Variants in ATP2B1 observed in about 807,000 individuals in gnomAD.
ATP2B1 encodes the protein ATPase plasma membrane Ca2+ transporting 1.
In ATP2B1, 14 loss-of-function variants were observed where a neutral mutation model predicts 124.2. The ratio of observed to expected loss-of-function variants is 0.11; its 90% CI spans 0.07 to 0.18. The LOEUF (loss-of-function observed/expected upper bound fraction) is 0.18, where lower values mean the gene tolerates loss of function less well. Ranked by LOEUF, ATP2B1 falls within the 10% of genes least tolerant of loss-of-function variation. The probability of loss-of-function intolerance (pLI) is 1.00; values close to 1 mark genes in which losing one functional copy is unlikely to be tolerated. For synonymous variants in ATP2B1, 449 were observed against 492.4 expected, an observed-to-expected ratio of 0.91 and a Z score of 1.17; for missense variants, 763 against 1,466.1, an observed-to-expected ratio of 0.52 and a Z score of 7.83.
intron 2 of ATP2B1, among the ~76,000 whole-genome samples, chr12:89,646,602 T>G (rs919147409): frequency 1.2e-4 from 19 of 152,246 alleles, no homozygotes; most frequent in Admixed American, 9.2e-4. Flanking sequence ...GTTAAAAGGA[T>G]GAGTGACAGA....
chr12:89,626,450 A>G lies in ATP2B1; in HGVS notation c.1129+4T>C. On this transcript the variant is annotated splice_donor_region_variant and intron_variant, in intron 8 of 20. Coordinates refer to ENST00000428670, the MANE Select transcript of ATP2B1 (RefSeq NM_001366521.1). ...AACACTTTATTTTCTTCTCTATATCATACCTGCTTTGCCAATCTGAACAGC... is the reference window on the plus strand; with the variant it reads ...AACACTTTATTTTCTTCTCTATATCGTACCTGCTTTGCCAATCTGAACAGC... 5 of 1,601,276 alleles carry G rather than the reference A, an allele frequency of 3.1e-6. No individual in the cohort carries two copies. Among genetic ancestry groups the G allele is most frequent in the Non-Finnish European group, 4.3e-6 (5 of 1,175,980 alleles).
intron 3 of ATP2B1, among the ~76,000 whole-genome samples, chr12:89,639,494 ACT>A (rs1389302349): frequency 6.6e-6 from 1 of 151,226 alleles, no homozygotes; most frequent in Non-Finnish European, 1.5e-5. Context: ...ACACAGTGAG[ACT>A]CTGTCTCAAT....
chr12:89,644,372 T>C (rs889719164), intron 2 of ATP2B1, among the ~76,000 whole-genome samples: 2 of 152,058 alleles, frequency 1.3e-5, no homozygotes, highest in Non-Finnish European at 2.9e-5. Flanking sequence ...GGAATATAAA[T>C]ACATTAGAAT....
At chr12:89,708,039 T>G (rs1004101181) in intron 1 of ATP2B1, among the ~76,000 whole-genome samples, 2 of 152,046 alleles carry the variant, frequency 1.3e-5, no homozygotes, top group Non-Finnish European at 2.9e-5. Context: ...GCTCTCCAAC[T>G]CCCGAGGAAT....
At chr12:89,676,835 TA>T (rs1398239505) in intron 1 of ATP2B1, among the ~76,000 whole-genome samples, 1 of 152,166 alleles carries the variant, frequency 6.6e-6, no homozygotes, top group Admixed American at 6.5e-5. Flanking sequence ...TTCTCATTGT[TA>T]AAAGAATAAT....
intron 1 of ATP2B1, among the ~76,000 whole-genome samples, chr12:89,678,891 A>G (rs2136612515): frequency 6.6e-6 from 1 of 152,272 alleles, no homozygotes; most frequent in Non-Finnish European, 1.5e-5. Context: ...CAGTGTTCGT[A>G]AAGTTAGGTG....
chr12:89,677,971 T>TATATATATATATATATATAC (rs1461216851), intron 1 of ATP2B1, among the ~76,000 whole-genome samples: 55 of 52,310 alleles, frequency 1.1e-3, no homozygotes, highest in African/African-American at 3.4e-3. Flanking sequence ...TATATATATA[T>TATATATATATATATATATAC]ACACACACAC....
rs1241639699 is a variant in ATP2B1, at chr12:89,609,932, C to T, written c.2442+5G>A. The T allele has an allele frequency of 6.2e-7, 1 of 1,610,868 alleles. No homozygotes were observed. Among genetic ancestry groups the T allele is most frequent in the Admixed American group, 1.7e-5 (1 of 59,720 alleles). ...GTTTGGATATTTGAATGAGTAAATTCTTACCATTGCAAATCCAACATCTGC... is the reference window on the plus strand; with the variant it reads ...GTTTGGATATTTGAATGAGTAAATTTTTACCATTGCAAATCCAACATCTGC... On this transcript the variant is annotated splice_donor_5th_base_variant and intron_variant, in intron 15 of 20. Coordinates refer to ENST00000428670, the MANE Select transcript of ATP2B1 (RefSeq NM_001366521.1).
intron 3 of ATP2B1, among the ~76,000 whole-genome samples, chr12:89,636,119 A>C (rs1351020477): frequency 6.6e-6 from 1 of 152,148 alleles, no homozygotes; most frequent in Non-Finnish European, 1.5e-5. Context: ...TTGAGCTACC[A>C]AATATTGGTA....
At chr12:89,604,484 AAC>A (rs1876452409) in intron 15 of ATP2B1, 138 bp from the exon 16 acceptor site, 1 of 628,032 alleles carries the variant, frequency 1.6e-6, no homozygotes, top group Non-Finnish European at 2.6e-6. Flanking sequence ...AAAAGAAGGT[AAC>A]AGAGTTATTC....
intron 9 of ATP2B1, among the ~76,000 whole-genome samples, chr12:89,622,174 G>A (rs982714658): frequency 4.6e-5 from 7 of 152,030 alleles, no homozygotes; most frequent in African/African-American, 7.2e-5. Flanking sequence ...TTATAGTAGT[G>A]TAAGAGTATA....
chr12:89,665,294 TTC>T (rs933703616), intron 1 of ATP2B1, among the ~76,000 whole-genome samples: 4 of 152,200 alleles, frequency 2.6e-5, no homozygotes, highest in African/African-American at 4.8e-5. Flanking sequence ...TGCAAATAAT[TTC>T]TTTTATTCAA....
chr12:89,653,191 C>T (rs1008743576), intron 2 of ATP2B1, among the ~76,000 whole-genome samples: 1 of 151,048 alleles, frequency 6.6e-6, no homozygotes, highest in Non-Finnish European at 1.5e-5. Flanking sequence ...CTAGGAAGAA[C>T]ATGAGCAAAA....
At chr12:89,707,110 ACAAGTACAAAAAGCAGATTCTCCTC>A (rs1286922141) in intron 1 of ATP2B1, among the ~76,000 whole-genome samples, 1 of 152,198 alleles carries the variant, frequency 6.6e-6, no homozygotes. Flanking sequence ...AATGAAACGC[ACAAGTACAAAAAGCAGATTCTCCTC>A]CAATCCCTCT....
intron 20 of ATP2B1, among the ~76,000 whole-genome samples, chr12:89,595,918 T>G (rs1325602879): frequency 1.3e-5 from 2 of 152,120 alleles, no homozygotes; most frequent in African/African-American, 4.8e-5. Context: ...CTCTCTTAAG[T>G]GCACCTTTAC....
At chr12:89,646,797 T>C (rs571442465) in intron 2 of ATP2B1, among the ~76,000 whole-genome samples, 46 of 151,964 alleles carry the variant, frequency 3.0e-4, no homozygotes, top group Non-Finnish European at 4.0e-4. Context: ...CAGAAATAAA[T>C]CAGTGAAGAT....
rs997039329 is a variant in ATP2B1, at chr12:89,667,343, C to T, written c.-221-11236G>A. ...TACTTATTCTCACAGGTCTCTAACC[C>T]ATCCTCCTCTGCTCACATTTACCCC... On this transcript the variant is annotated intron_variant, in intron 1 of 20. Coordinates refer to ENST00000428670, the MANE Select transcript of ATP2B1 (RefSeq NM_001366521.1). Among the ~76,000 whole-genome samples the T allele has an allele frequency of 2.0e-5, 3 of 152,170 alleles. No individual in the cohort carries two copies. In the South Asian group the frequency reaches 6.2e-4, roughly 31 times the overall value.
intron 2 of ATP2B1, among the ~76,000 whole-genome samples, chr12:89,649,838 C>A (rs573997968): frequency 2.6e-5 from 4 of 152,128 alleles, no homozygotes; most frequent in African/African-American, 4.8e-5. Context: ...GACAGTTTAG[C>A]ACCATCCCCT....
chr12:89,626,370 C>T, intron 8 of ATP2B1, 84 bp downstream of exon 8: 3 of 1,401,678 alleles, frequency 2.1e-6, no homozygotes, highest in Non-Finnish European at 9.5e-7. Context: ...CAACAATTTC[C>T]AGCCTTAAGT....
Sources: gnomAD v4.1 joint callset for allele counts (sites outside exome capture counted in the v4.1 genomes callset) on GRCh38, gnomAD v4.1.1 for gene constraint, MANE v1.5 for transcripts, NCBI Gene and HGNC (gene_info 2026-07-23, HGNC 2026-07-21) for gene names.